ARHGEF12: variants seen among roughly 807,000 people sequenced by gnomAD.
ARHGEF12 encodes Rho guanine nucleotide exchange factor 12, also known as KMT2A/ARHGEF12 fusion protein.
In ARHGEF12, 66 loss-of-function variants were observed where a neutral mutation model predicts 211.2. The ratio of observed to expected loss-of-function variants is 0.31; its 90% CI spans 0.26 to 0.38. ARHGEF12 has a LOEUF of 0.38. Ranked by LOEUF, ARHGEF12 falls within the 10% of genes least tolerant of loss-of-function variation. The pLI is 1.00. For missense variants in ARHGEF12, 1,429 were observed against 1,869.5 expected (o/e 0.76, Z 4.34); for synonymous variants, 592 against 638.4 (o/e 0.93, Z 1.09).
rs1370756855 is a variant in ARHGEF12, at chr11:120,485,129, G to A, written c.*52G>A. 16 of 1,608,704 alleles carry A rather than the reference G, an allele frequency of 9.9e-6. No homozygotes were observed. Among genetic ancestry groups the A allele is most frequent in the Admixed American group, 5.0e-5 (3 of 59,948 alleles). ...GGTTGTTGGATTTGGAGTATCGGCC[G>A]TGTCTCACCACATCCTGGCTCCAGT... is the stretch of plus-strand genomic sequence containing the variant. On this transcript the variant is annotated 3_prime_UTR_variant, in exon 41 of 41. Coordinates refer to ENST00000397843, the MANE Select transcript of ARHGEF12 (RefSeq NM_015313.3).
At chr11:120,346,030 A>G (rs1942709350) in intron 1 of ARHGEF12, among the ~76,000 whole-genome samples, 1 of 152,136 alleles carries the variant, frequency 6.6e-6, no homozygotes, top group South Asian at 2.1e-4. Flanking sequence ...AGAAAATTCA[A>G]ATCATATAAA....
At chr11:120,455,426 A>C (rs572120310) in intron 22 of ARHGEF12, among the ~76,000 whole-genome samples, 2 of 152,354 alleles carry the variant, frequency 1.3e-5, no homozygotes, top group African/African-American at 4.8e-5. Context: ...CAAAAGAGCC[A>C]TGCCTTCAAC....
intron 22 of ARHGEF12, among the ~76,000 whole-genome samples, chr11:120,452,595 CTG>C (rs1946244324): frequency 1.3e-5 from 2 of 152,190 alleles, no homozygotes; most frequent in Non-Finnish European, 2.9e-5. Flanking sequence ...GAGAGGAAAA[CTG>C]TGAGCCACCA....
chr11:120,452,685 G>A (rs775615318), intron 22 of ARHGEF12, among the ~76,000 whole-genome samples: 1 of 152,186 alleles, frequency 6.6e-6, no homozygotes, highest in African/African-American at 2.4e-5. Flanking sequence ...GAGAGCCTCA[G>A]TGGAGCAAGA....
intron 1 of ARHGEF12, among the ~76,000 whole-genome samples, chr11:120,362,004 A>G (rs1225664129): frequency 6.6e-6 from 1 of 152,222 alleles, no homozygotes; most frequent in Non-Finnish European, 1.5e-5. Flanking sequence ...AAGGTTTTAA[A>G]TAAATGGTTT....
chr11:120,464,995 C>T lies in ARHGEF12; in HGVS notation c.2614-242C>T, dbSNP rs1230669521. On this transcript the variant is annotated intron_variant, in intron 27 of 40. Transcript: ENST00000397843. ...TACTCCAGCCTGGGCGACAGAGCAA[C>T]ACTGTCTCAAAAAAAAGAAAAAAAA... The T allele has an allele frequency of 1.1e-5, 5 of 457,216 alleles. No individual in the cohort carries two copies. In the South Asian group the frequency reaches 1.2e-4, roughly 11 times the overall value. 28.3% of individuals were successfully genotyped at this position (457,216 alleles called of 1,614,324 possible).
chr11:120,365,000 T>A (rs1178960671), intron 1 of ARHGEF12, among the ~76,000 whole-genome samples: 1 of 152,050 alleles, frequency 6.6e-6, no homozygotes, highest in Admixed American at 6.6e-5. Flanking sequence ...TTGCCCAGGC[T>A]GGTCTCGAAC....
At chr11:120,399,345 A>AAAAAAAAAAAAAAAAAAAAT (rs1944490495) in intron 1 of ARHGEF12, among the ~76,000 whole-genome samples, 1 of 148,502 alleles carries the variant, frequency 6.7e-6, no homozygotes. Context: ...AAAAAAAAAA[A>AAAAAAAAAAAAAAAAAAAAT]AAAAAAGAAA....
chr11:120,400,125 A>G (rs949866668), intron 1 of ARHGEF12, among the ~76,000 whole-genome samples: 2 of 152,126 alleles, frequency 1.3e-5, no homozygotes, highest in Admixed American at 6.5e-5. Flanking sequence ...ACTTCAGTTT[A>G]TAGATTGTTA....
Position 120,347,149 on chromosome 11 carries a change from TTCCTTCCTTC to T in ARHGEF12, c.32+9875_32+9884del, listed in dbSNP as rs1565416889. 4.8e-3 allele frequency among the ~76,000 whole-genome samples: 228 copies of T among 47,148 alleles called. 5 individuals carry two copies. Among genetic ancestry groups the T allele is most frequent in the Middle Eastern group, 0.032 (4 of 124 alleles). The allele number at this position is 47,148 out of a possible 152,430, so 30.9% of individuals were successfully genotyped here. A position where few individuals can be genotyped will look rare whatever the true frequency, so the allele number is the denominator to read the frequency against. ...TTTCTTTCTTTCCTTCCTTCCTTCC[TTCCTTCCTTC>T]CTTCCTTCCTTCCTTCCTTCCTTCC... On this transcript the variant is annotated intron_variant, in intron 1 of 40. Transcript: ENST00000397843.
rs1000207478 is a variant in ARHGEF12 at position 120,487,683 on chromosome 11, C to T, written c.*2606C>T. ...GGTGGTGTACAAAGAAAGCTACCTT[C>T]CCAGAGCAAGCAGGCTGCATTTTAG... is the stretch of plus-strand genomic sequence containing the variant. On this transcript the variant is annotated 3_prime_UTR_variant, in exon 41 of 41. Transcript: ENST00000397843. 140 of 218,650 alleles carry T rather than the reference C, an allele frequency of 6.4e-4. 1 individual carries two copies. The Admixed American group carries it at 7.8e-3, about 12-fold the overall frequency. The allele number at this position is 218,650 out of a possible 1,614,324, so 13.5% of individuals were successfully genotyped here.
intron 1 of ARHGEF12, among the ~76,000 whole-genome samples, chr11:120,389,995 G>A (rs1164014506): frequency 6.6e-6 from 1 of 152,172 alleles, no homozygotes; most frequent in Non-Finnish European, 1.5e-5. Context: ...ACATGGGAGT[G>A]CAGATAACCC....
At chr11:120,400,010 G>A (rs1473889328) in intron 1 of ARHGEF12, among the ~76,000 whole-genome samples, 2 of 152,084 alleles carry the variant, frequency 1.3e-5, no homozygotes, top group Non-Finnish European at 1.5e-5. Flanking sequence ...CTGTCTCAAC[G>A]ACACTTAAAA....
In ARHGEF12 at chr11:120,457,157, C is replaced by T; in HGVS notation, c.2096C>T (p.Thr699Ile). ...GGAGAAACATCAGCACCTGGAGACA[C>T]CTTAGATGGCACACCTCGTACTCTC... ...QVGETSAPGD[T>I]LDGTPRTLNT... Residue 699 changes from threonine to isoleucine, a missense_variant, in exon 23 of 41, where the codon ACC (threonine) becomes ATC (isoleucine). Transcript: ENST00000397843. The T allele has an allele frequency of 1.2e-6, 2 of 1,614,006 alleles. No homozygotes were observed. The highest frequency in any genetic ancestry group is 1.7e-6 in the Non-Finnish European group (2 of 1,179,948).
At chr11:120,350,066 AGTTT>A (rs966819872) in intron 1 of ARHGEF12, among the ~76,000 whole-genome samples, 1 of 152,130 alleles carries the variant, frequency 6.6e-6, no homozygotes, top group Admixed American at 6.6e-5. Context: ...TATTAACATC[AGTTT>A]GTTTATTTAT....
At chr11:120,478,566 T>C (rs1947132194) in intron 37 of ARHGEF12, among the ~76,000 whole-genome samples, 177 bp downstream of exon 37, 1 of 152,074 alleles carries the variant, frequency 6.6e-6, no homozygotes, top group Non-Finnish European at 1.5e-5. Flanking sequence ...CTCTGTTAGC[T>C]CCCCACCCCC....
At chr11:120,378,829 A>G (rs1351432041) in intron 1 of ARHGEF12, among the ~76,000 whole-genome samples, 2 of 152,228 alleles carry the variant, frequency 1.3e-5, no homozygotes, top group Admixed American at 1.3e-4. Context: ...CTGTTGATCA[A>G]TATGCCTGAA....
chr11:120,419,550 G>T (rs1035050005), intron 4 of ARHGEF12, among the ~76,000 whole-genome samples: 1 of 151,116 alleles, frequency 6.6e-6, no homozygotes, highest in Admixed American at 6.6e-5. Context: ...AAGGGTTAAG[G>T]TTCATGTTAA....
At chr11:120,344,436 A>T (rs1048028591) in intron 1 of ARHGEF12, among the ~76,000 whole-genome samples, 1 of 152,162 alleles carries the variant, frequency 6.6e-6, no homozygotes, top group Non-Finnish European at 1.5e-5. Flanking sequence ...GTGCTTAGAC[A>T]TACCCTTCCA....
Sources: allele counts gnomAD v4.1 joint callset (sites outside exome capture counted in the v4.1 genomes callset), GRCh38; gene constraint gnomAD v4.1.1; transcripts MANE v1.5; gene names NCBI Gene and HGNC (gene_info 2026-07-23, HGNC 2026-07-21).